Variants in RC3H2 observed in about 807,000 individuals in gnomAD.
RC3H2 encodes the protein roquin-2.
A neutral mutation model predicts 133.3 loss-of-function variants in RC3H2; 31 were observed. That is an observed-to-expected ratio of 0.23 (90% CI 0.17 to 0.31). The LOEUF is 0.31. RC3H2 is among the 10% of genes least tolerant of loss of function. The pLI is 1.00. For missense variants in RC3H2, 1,175 were observed against 1,437.2 expected, an observed-to-expected ratio of 0.82 and a Z score of 2.95; for synonymous variants, 517 against 502.2, an observed-to-expected ratio of 1.03 and a Z score of -0.40.
At chr9:122,877,383 A>G (rs1200644174) in intron 9 of RC3H2, 88 bp downstream of exon 9, 8 of 1,039,400 alleles carry the variant, frequency 7.7e-6, no homozygotes, top group Non-Finnish European at 1.0e-5. Context: ...TGCATTTTTG[A>G]AAGTCATCAC....
chr9:122,852,729 C>A lies in RC3H2; in HGVS notation c.3117+1223G>T, dbSNP rs866558467. On this transcript the variant is annotated intron_variant, in intron 18 of 20. Transcript: ENST00000357244. ...CTGGGAAGTGAGGAGCCCCTCTGCC[C>A]GGCCAGCCGCCCCGTCCGGGAGGGA... Among the ~76,000 whole-genome samples the A allele has an allele frequency of 3.9e-3, 560 of 144,952 alleles. 3 individuals are homozygous for A. The highest frequency in any genetic ancestry group is 0.014 in the African/African-American group (537 of 39,426).
intron 5 of RC3H2, among the ~76,000 whole-genome samples, chr9:122,881,450 T>G (rs1201090445): frequency 2.0e-5 from 2 of 98,592 alleles, no homozygotes; most frequent in East Asian, 5.7e-4. Flanking sequence ...AGAGTGAGAC[T>G]CCGTCTCAAA....
In RC3H2 at chr9:122,855,326, ATCT is replaced by A; in HGVS notation, c.2670_2672del (p.Glu890del). ...GTCCATCACTAAAGGGAATTATTGG[ATCT>A]TCTTCTTTTGTCCTTCTCTGGGTTT... On this transcript the variant is annotated inframe_deletion, in exon 15 of 21. Coordinates refer to ENST00000357244, the MANE Select transcript of RC3H2 (RefSeq NM_001100588.3). 1.9e-6 allele frequency: 3 copies of A among 1,614,004 alleles called. No individual in the cohort carries two copies. Among genetic ancestry groups the A allele is most frequent in the East Asian group, 2.2e-5 (1 of 44,880 alleles).
rs746837833 is a variant in RC3H2 at position 122,854,520 on chromosome 9, A to G, written c.2900+11T>C. 3.6e-5 allele frequency: 57 copies of G among 1,598,008 alleles called. No homozygotes were observed. The highest frequency in any genetic ancestry group is 4.7e-5 in the Non-Finnish European group (55 of 1,165,476). ...GAATGGAGAATCATATAGAATTAAG[A>G]AGAACGTTACCTTTCAACATAGTGT... On this transcript the variant is annotated intron_variant, in intron 16 of 20. Coordinates refer to ENST00000357244, the MANE Select transcript of RC3H2 (RefSeq NM_001100588.3).
intron 12 of RC3H2, 78 bp from the exon 13 acceptor site, chr9:122,858,171 C>T (rs1161586913): frequency 3.0e-6 from 4 of 1,345,388 alleles, no homozygotes; most frequent in Admixed American, 3.9e-5. Context: ...ATGATGTAAA[C>T]AGTTTATGAT....
At chr9:122,879,718 AGAC>A in intron 8 of RC3H2, 34 bp downstream of exon 8, 2 of 1,353,276 alleles carry the variant, frequency 1.5e-6, no homozygotes, top group Non-Finnish European at 2.1e-6. Flanking sequence ...ACTGAGTTAG[AGAC>A]AACAGCAGTC....
At chr9:122,852,422 C>T (rs1361358283) in intron 18 of RC3H2, among the ~76,000 whole-genome samples, 6 of 147,968 alleles carry the variant, frequency 4.1e-5, no homozygotes, top group East Asian at 4.1e-4. Flanking sequence ...GTCAGCCCCC[C>T]GCCTGGCCAG....
intron 9 of RC3H2, among the ~76,000 whole-genome samples, chr9:122,870,837 A>G (rs2131430793): frequency 6.6e-6 from 1 of 152,326 alleles, no homozygotes; most frequent in East Asian, 1.9e-4. Context: ...ATTTGGTAAA[A>G]GCTCAATCCA....
At chr9:122,897,927 GT>G (rs902265581) in intron 1 of RC3H2, 201 of 158,286 alleles carry the variant, frequency 1.3e-3, no homozygotes, top group Non-Finnish European at 1.6e-3. Context: ...CTGCTGGGCG[GT>G]TTTTTTGTTT....
Position 122,888,626 on chromosome 9 carries a change from G to A in RC3H2, c.583+1686C>T, listed in dbSNP as rs535342197. Among the ~76,000 whole-genome samples, 4 of 152,240 alleles carry A rather than the reference G, an allele frequency of 2.6e-5. No homozygotes were observed. The East Asian group carries it at 7.7e-4, about 29-fold the overall frequency. The stretch of plus-strand genomic sequence containing the variant: ...TATTTTTTAACTTACCAACGTATCT[G>A]GAGGTCACACCCTAGCAGAATATAT... On this transcript the variant is annotated intron_variant, in intron 4 of 20. Transcript: ENST00000357244.
intron 9 of RC3H2, among the ~76,000 whole-genome samples, chr9:122,868,835 CTA>C (rs1192775234): frequency 9.4e-4 from 128 of 135,794 alleles, no homozygotes; most frequent in Middle Eastern, 3.9e-3. Flanking sequence ...ATATTCCCTC[CTA>C]TATGTGTGTG....
chr9:122,879,956 G>A, intron 7 of RC3H2, 37 bp downstream of exon 7: 1 of 1,611,934 alleles, frequency 6.2e-7, no homozygotes, highest in South Asian at 1.1e-5. Flanking sequence ...CTCAAAAGTA[G>A]AAAAAAATAT....
chr9:122,905,316 C>A lies in RC3H2; in HGVS notation c.-274G>T. On this transcript the variant is annotated 5_prime_UTR_variant, in exon 1 of 21. Coordinates refer to ENST00000357244, the MANE Select transcript of RC3H2 (RefSeq NM_001100588.3). ...CCTCCTCCTCCCTCCACCTCCGCCT[C>A]CTCCTCCTCCTCCTCCTCACCACGG... 1.0e-6 allele frequency: 1 copy of A among 977,832 alleles called. No individual in the cohort carries two copies. The highest frequency in any genetic ancestry group is 1.2e-6 in the Non-Finnish European group (1 of 823,456). 60.6% of individuals were successfully genotyped at this position (977,832 alleles called of 1,614,324 possible).
rs1268405916 is a variant in RC3H2 at position 122,896,070 on chromosome 9, T to TA, written c.231+1208_231+1209insT. On this transcript the variant is annotated intron_variant, in intron 2 of 20. Transcript: ENST00000357244. Reference sequence around the variant, plus strand: ...CTTCCGTGGGCCATACTGGAAGAATTGTCTTGGGCCACACATAAGATACAC... The same window carrying TA: ...CTTCCGTGGGCCATACTGGAAGAATTAGTCTTGGGCCACACATAAGATACAC... Among the ~76,000 whole-genome samples, 644 of 150,754 alleles carry TA rather than the reference T, an allele frequency of 4.3e-3. 3 individuals carry two copies. Among genetic ancestry groups the TA allele is most frequent in the African/African-American group, 0.015 (611 of 41,018 alleles).
rs371211546 is a variant in RC3H2, at chr9:122,859,057, C to T, written c.1895G>A (p.Cys632Tyr). 1.2e-6 allele frequency: 2 copies of T among 1,606,584 alleles called. No individual in the cohort carries two copies. The highest frequency in any genetic ancestry group is 1.7e-6 in the Non-Finnish European group (2 of 1,175,212). The part of the protein sequence containing the change: ...PPTVPAGVAP[C>Y]VPRFVRSNNV... ...ATTGGACCTCACAAAGCGAGGAACACAGGGAGCCACACCAGCTGGTACCGT... is the reference window on the plus strand; with the variant it reads ...ATTGGACCTCACAAAGCGAGGAACATAGGGAGCCACACCAGCTGGTACCGT... Residue 632 changes from cysteine (C) to tyrosine (Y), a missense_variant, in exon 12 of 21, where the codon TGT becomes TAT. Physicochemically the swap from Cys to Tyr is radical, Grantham distance 194. Transcript: ENST00000357244.
intron 13 of RC3H2, among the ~76,000 whole-genome samples, chr9:122,857,647 GAT>G (rs1830296095): frequency 6.6e-6 from 1 of 152,134 alleles, no homozygotes; most frequent in South Asian, 2.1e-4. Flanking sequence ...CTCAATAAAT[GAT>G]AGATATAAAT....
Position 122,851,153 on chromosome 9 carries a change from T to A in RC3H2, c.3308A>T (p.His1103Leu), listed in dbSNP as rs371837514. The change falls in exon 20 of 21, where the codon CAT becomes CTT. Residue 1103 changes from histidine (H) to leucine (L), a missense_variant. His to Leu is a moderately conservative substitution (Grantham distance 99). Transcript: ENST00000357244. ...CTCCTTTTGGTGCTGCTGTACTGGA[T>A]GCCCATTTTCCACTGCCATTCCATT... ...LLNGMAVENG[H>L]PVQQHQKEPP... The A allele has an allele frequency of 1.9e-6, 3 of 1,614,250 alleles. No homozygotes were observed. The Admixed American group carries it at 5.0e-5, about 27-fold the overall frequency.
chr9:122,850,447 G>A (rs571273236), intron 20 of RC3H2, among the ~76,000 whole-genome samples: 1 of 151,664 alleles, frequency 6.6e-6, no homozygotes, highest in African/African-American at 2.4e-5. Flanking sequence ...TAGATAGATA[G>A]ATAGATAGAT....
In RC3H2 at chr9:122,856,983, T is replaced by G. The variant is rs1320001269; in HGVS notation, c.2454+940A>C. ...TACCTGCTTTGAAGAAGTCTAAGTT[T>G]GACAAGACCTATTTGGATCTAGTTT... On this transcript the variant is annotated intron_variant, in intron 13 of 20. Coordinates refer to ENST00000357244, the MANE Select transcript of RC3H2 (RefSeq NM_001100588.3). Among the ~76,000 whole-genome samples the G allele has an allele frequency of 2.0e-5, 3 of 152,214 alleles. No individual in the cohort carries two copies. The East Asian group carries it at 5.8e-4, about 29-fold the overall frequency.
Sources: gnomAD v4.1 joint callset for allele counts (sites outside exome capture counted in the v4.1 genomes callset) on GRCh38, gnomAD v4.1.1 for gene constraint, MANE v1.5 for transcripts, NCBI Gene and HGNC (gene_info 2026-07-23, HGNC 2026-07-21) for gene names.